The following APLF variants were observed in gnomAD, a reference collection of about 807,000 sequenced individuals.
APLF encodes the protein aprataxin and PNK-like factor.
Under a neutral mutation model 55.6 loss-of-function variants are expected in APLF, and 61 were observed. That is an observed-to-expected ratio of 1.10 (90% confidence interval 0.89 to 1.36). APLF has a LOEUF of 1.36. Among genes scored for constraint, APLF ranks in the 40% most tolerant of loss-of-function variants. The pLI is 0.00. For synonymous variants in APLF, 207 were observed against 214.8 expected (o/e 0.96, Z 0.32); for missense variants, 611 against 602.5 (o/e 1.01, Z -0.15).
intron 7 of APLF, among the ~76,000 whole-genome samples, chr2:68,541,994 T>C (rs560983817): frequency 6.6e-6 from 1 of 152,144 alleles, no homozygotes; most frequent in Non-Finnish European, 1.5e-5. Context: ...CTCATATATA[T>C]GGTTAAATAA....
At chr2:68,483,291 G>T (rs1197927930) in intron 1 of APLF, among the ~76,000 whole-genome samples, 2 of 152,192 alleles carry the variant, frequency 1.3e-5, no homozygotes, top group African/African-American at 4.8e-5. Flanking sequence ...GGATTCTCCT[G>T]TAGTAAGGAC....
At chr2:68,477,339 A>G (rs1265317927) in intron 1 of APLF, among the ~76,000 whole-genome samples, 1 of 152,180 alleles carries the variant, frequency 6.6e-6, no homozygotes, top group Non-Finnish European at 1.5e-5. Flanking sequence ...ATATCATAAT[A>G]AAAACAGATC....
chr2:68,501,403 G>T (rs181780515), intron 2 of APLF, among the ~76,000 whole-genome samples: 1 of 151,424 alleles, frequency 6.6e-6, no homozygotes, highest in Admixed American at 6.6e-5. Flanking sequence ...AATAGAGATC[G>T]GTGCTCTCTA....
intron 6 of APLF, chr2:68,528,301 A>G (rs1207248364): frequency 2.8e-6 from 4 of 1,413,534 alleles, no homozygotes; most frequent in South Asian, 2.5e-5. Context: ...TTGATGTTCT[A>G]CTTAACACCC....
At chr2:68,499,252 G>C (rs1382278078) in intron 2 of APLF, among the ~76,000 whole-genome samples, 1 of 152,108 alleles carries the variant, frequency 6.6e-6, no homozygotes, top group African/African-American at 2.4e-5. Context: ...TTTGTTAAAA[G>C]GCATACACCA....
intron 1 of APLF, among the ~76,000 whole-genome samples, chr2:68,475,818 TAAGAC>T (rs1245061866): frequency 3.3e-5 from 5 of 152,140 alleles, no homozygotes; most frequent in Non-Finnish European, 5.9e-5. Context: ...GATATCTAGA[TAAGAC>T]AATTTTATGA....
At chr2:68,545,038 G>A (rs1488348983) in intron 7 of APLF, 149 bp from the exon 8 acceptor site, 2 of 841,224 alleles carry the variant, frequency 2.4e-6, no homozygotes, top group Non-Finnish European at 3.5e-6. Context: ...TTAGCATGTT[G>A]ATGTAATCTG....
chr2:68,578,043 A>G lies in APLF; in HGVS notation c.*21A>G. ...AATAGTAACTAACTTCTGTAGTCAT[A>G]TCTGCCTTACATTTACTTTTTCTTT... is the stretch of plus-strand genomic sequence containing the variant. On this transcript the variant is annotated 3_prime_UTR_variant, in exon 10 of 10. Transcript: ENST00000303795. The G allele has an allele frequency of 6.2e-7, 1 of 1,604,232 alleles. No homozygotes were observed.
intron 3 of APLF, among the ~76,000 whole-genome samples, chr2:68,508,244 G>T (rs1038685850): frequency 6.6e-6 from 1 of 151,876 alleles, no homozygotes; most frequent in Admixed American, 6.6e-5. Flanking sequence ...AATCAGGACA[G>T]TCCTGGTGTA....
rs1012060237 is a variant in APLF, at chr2:68,467,775, G to A, written c.44G>A (p.Arg15Gln). The change falls in exon 1 of 10, where the codon CGG becomes CAG. Residue 15 changes from arginine to glutamine, a missense_variant. Physicochemically the swap from Arg to Gln is conservative, Grantham distance 43. Transcript: ENST00000303795. ...FELQPRDGGP[R>Q]VALAPGETVI... ...CTGCAGCCGCGGGACGGCGGTCCCC[G>A]GGTGGCCCTGGCGCCCGGGGAGACG... 9 of 1,234,462 alleles carry A rather than the reference G, an allele frequency of 7.3e-6. No homozygotes were observed. The highest frequency in any genetic ancestry group is 3.1e-5 in the African/African-American group (2 of 64,578). The allele number at this position is 1,234,462 out of a possible 1,614,324, so 76.5% of individuals were successfully genotyped here.
chr2:68,545,118 T>C, intron 7 of APLF, 69 bp from the exon 8 acceptor site: 1 of 1,562,294 alleles, frequency 6.4e-7, no homozygotes, highest in Non-Finnish European at 8.7e-7. Context: ...TCTGGTTTCC[T>C]GCTATATCCA....
chr2:68,579,216 C>G lies in APLF; in HGVS notation c.*1194C>G. 2 of 754,166 alleles carry G rather than the reference C, an allele frequency of 2.7e-6. No individual in the cohort carries two copies. Among genetic ancestry groups the G allele is most frequent in the South Asian group, 1.2e-4 (2 of 16,412 alleles). 46.7% of individuals were successfully genotyped at this position (754,166 alleles called of 1,614,324 possible). On this transcript the variant is annotated 3_prime_UTR_variant, in exon 10 of 10. Coordinates refer to ENST00000303795, the MANE Select transcript of APLF (RefSeq NM_173545.3). ...TAAAATATATCTCCCAGTAATTATACAATATTTAATATTTACTTAAACTGG... is the reference window on the plus strand; with the variant it reads ...TAAAATATATCTCCCAGTAATTATAGAATATTTAATATTTACTTAAACTGG...
chr2:68,520,257 CTG>C (rs1435420385), intron 5 of APLF, among the ~76,000 whole-genome samples: 3 of 152,002 alleles, frequency 2.0e-5, no homozygotes, highest in Admixed American at 1.3e-4. Flanking sequence ...TTCTCCCACT[CTG>C]TGAGTTGTCT....
chr2:68,518,001 A>G (rs1669687794), intron 5 of APLF, among the ~76,000 whole-genome samples: 1 of 140,704 alleles, frequency 7.1e-6, no homozygotes, highest in Non-Finnish European at 1.5e-5. Context: ...ATGTGTTAAT[A>G]TATAACAGTA....
intron 3 of APLF, among the ~76,000 whole-genome samples, chr2:68,505,892 C>T (rs868790897): frequency 6.6e-6 from 1 of 151,970 alleles, no homozygotes; most frequent in South Asian, 2.1e-4. Flanking sequence ...AGCCCCTTTT[C>T]CCTCCCTGGT....
chr2:68,481,043 A>G (rs988529691), intron 1 of APLF, among the ~76,000 whole-genome samples: 6 of 152,080 alleles, frequency 3.9e-5, no homozygotes, highest in South Asian at 2.1e-4. Flanking sequence ...TTGAATCTAT[A>G]TGTTCATCAG....
chr2:68,480,428 C>T (rs1220646854), intron 1 of APLF, among the ~76,000 whole-genome samples: 5 of 151,864 alleles, frequency 3.3e-5, no homozygotes, highest in Non-Finnish European at 5.9e-5. Context: ...CTCAGCCTCC[C>T]GAGTAGCTGG....
At chr2:68,543,976 A>C (rs1408644484) in intron 7 of APLF, among the ~76,000 whole-genome samples, 1 of 136,850 alleles carries the variant, frequency 7.3e-6, no homozygotes, top group Admixed American at 7.2e-5. Flanking sequence ...AGTCAATTGT[A>C]TTTTCTTTTT....
In APLF at chr2:68,515,789, T is replaced by G. The variant is rs911800478; in HGVS notation, c.622+2109T>G. On this transcript the variant is annotated intron_variant, in intron 5 of 9. Coordinates refer to ENST00000303795, the MANE Select transcript of APLF (RefSeq NM_173545.3). ...GGAGAAGTACTTTATAAGAACAAGA[T>G]TAGGTTACTTAATTCCTTTAAAGAC... 4 of 940,434 alleles carry G rather than the reference T, an allele frequency of 4.3e-6. No homozygotes were observed. In the African/African-American group the frequency reaches 7.1e-5, roughly 17 times the overall value. The allele number at this position is 940,434 out of a possible 1,614,324, so 58.3% of individuals were successfully genotyped here.
Sources: gnomAD v4.1 joint callset for allele counts (sites outside exome capture counted in the v4.1 genomes callset) on GRCh38, gnomAD v4.1.1 for gene constraint, MANE v1.5 for transcripts, NCBI Gene and HGNC (gene_info 2026-07-23, HGNC 2026-07-21) for gene names.